DNMT3A: variants seen among roughly 807,000 people sequenced by gnomAD.
DNMT3A encodes DNA methyltransferase 3 alpha.
Under a neutral mutation model 117.6 loss-of-function variants are expected in DNMT3A, and 267 were observed. That is an observed-to-expected ratio of 2.27 (90% confidence interval 2.05 to 2.51). The LOEUF (loss-of-function observed/expected upper bound fraction) is 2.51, where lower values mean the gene tolerates loss of function less well. Among genes scored for constraint, DNMT3A ranks in the 30% most tolerant of loss-of-function variants. The pLI is 0.00. For missense variants in DNMT3A, 1,029 were observed against 1,260.2 expected (o/e 0.82, Z 2.78); for synonymous variants, 432 against 474.8 (o/e 0.91, Z 1.17).
intron 1 of DNMT3A, chr2:25,314,511 C>G: frequency 1.0e-6 from 1 of 985,196 alleles, no homozygotes; most frequent in Non-Finnish European, 1.2e-6. Context: ...CCAACCAGCC[C>G]CTGGGAAATC....
intron 1 of DNMT3A, among the ~76,000 whole-genome samples, chr2:25,319,389 A>T (rs2034507838): frequency 1.3e-5 from 2 of 151,738 alleles, no homozygotes; most frequent in African/African-American, 4.8e-5. Flanking sequence ...GGCTCAAGTG[A>T]TCCTCCCACC....
At chr2:25,270,336 C>T (rs573856144) in intron 6 of DNMT3A, among the ~76,000 whole-genome samples, 43 of 152,330 alleles carry the variant, frequency 2.8e-4, no homozygotes, top group African/African-American at 9.6e-4. Flanking sequence ...CAGGGCAGCT[C>T]TTTCTGCAGG....
chr2:25,245,259 G>T lies in DNMT3A; in HGVS notation c.1548C>A (p.Asn516Lys). ...HPLFVGGMCQ[N>K]CKNCFLECAY... is the part of the protein sequence containing the mutation. ...TGGGTGGGTGTGCTCCTACCTTGCAGTTTTGGCACATTCCTCCAACGAAGA... is the reference window on the plus strand; with the variant it reads ...TGGGTGGGTGTGCTCCTACCTTGCATTTTTGGCACATTCCTCCAACGAAGA... Residue 516 changes from asparagine to lysine, a missense_variant, in exon 13 of 23, where the codon AAC becomes AAA. Physicochemically the swap from Asn to Lys is moderately conservative, Grantham distance 94. Coordinates refer to ENST00000321117, the MANE Select transcript of DNMT3A (RefSeq NM_022552.5). The T allele has an allele frequency of 6.2e-7, 1 of 1,613,898 alleles. No homozygotes were observed. Among genetic ancestry groups the T allele is most frequent in the Non-Finnish European group, 8.5e-7 (1 of 1,179,974 alleles).
intron 3 of DNMT3A, among the ~76,000 whole-genome samples, chr2:25,295,608 C>T (rs1169813982): frequency 6.6e-6 from 1 of 152,222 alleles, no homozygotes; most frequent in African/African-American, 2.4e-5. Flanking sequence ...TGACAGAGAA[C>T]CCCTGGGTAG....
In DNMT3A at chr2:25,246,650, AAGGCTGG is replaced by A; in HGVS notation, c.1242_1248del (p.Gln415LeufsTer234). ...GGTGGCTCCAGGCCCTTAGGGCCAG[AAGGCTGG>A]AAGCCCCCCAGGGCCCATTCAATCA... On this transcript the variant is annotated frameshift_variant, in exon 10 of 23. Coordinates refer to ENST00000321117, the MANE Select transcript of DNMT3A (RefSeq NM_022552.5). LOFTEE classifies it high-confidence loss of function. 1 of 1,613,304 alleles carries A rather than the reference AAGGCTGG, an allele frequency of 6.2e-7. No individual in the cohort carries two copies. Among genetic ancestry groups the A allele is most frequent in the South Asian group, 1.1e-5 (1 of 91,078 alleles).
At chr2:25,235,608 G>A in intron 22 of DNMT3A, 99 bp downstream of exon 22, 1 of 947,440 alleles carries the variant, frequency 1.1e-6, no homozygotes, top group Non-Finnish European at 1.7e-6. Flanking sequence ...CAGGACGTTT[G>A]TGGAAAACAA....
intron 1 of DNMT3A, among the ~76,000 whole-genome samples, chr2:25,341,496 C>T (rs1287862688): frequency 1.4e-5 from 2 of 146,398 alleles, no homozygotes; most frequent in East Asian, 2.0e-4. Flanking sequence ...GAGGGGCCCC[C>T]CGCGGCATTG....
At chr2:25,251,856 C>T in intron 6 of DNMT3A, 1 of 391,798 alleles carries the variant, frequency 2.6e-6, no homozygotes, top group Non-Finnish European at 4.6e-6. Context: ...TCAGCTGAAG[C>T]TGCCTCCAAC....
Position 25,241,695 on chromosome 2 carries a change from A to G in DNMT3A, c.1949T>C (p.Leu650Pro). ...FDGIATGLLV[L>P]KDLGIQVDRY... ...GTCCACCTGAATGCCCAAGTCCTTC[A>G]GCACCAGGAGCCCTGCACCAGCCAG... Residue 650 changes from leucine (L) to proline (P), a missense_variant, in exon 17 of 23, where the codon CTG (leucine) becomes CCG (proline). Leu to Pro is a moderately conservative substitution (Grantham distance 98). Transcript: ENST00000321117. The G allele has an allele frequency of 1.2e-6, 2 of 1,613,822 alleles. No homozygotes were observed. The highest frequency in any genetic ancestry group is 8.5e-7 in the Non-Finnish European group (1 of 1,179,920).
intron 22 of DNMT3A, among the ~76,000 whole-genome samples, chr2:25,235,399 G>A (rs1673239496): frequency 6.6e-6 from 1 of 152,144 alleles, no homozygotes; most frequent in African/African-American, 2.4e-5. Context: ...TGGCCAGGCT[G>A]GTCTCGAACT....
Position 25,339,834 on chromosome 2 carries a change from G to T in DNMT3A, c.-178+1992C>A, listed in dbSNP as rs1276034805. On this transcript the variant is annotated intron_variant, in intron 1 of 22. Transcript: ENST00000321117. The surrounding 1 kb of genome is among the most constrained non-coding windows in gnomAD (Gnocchi z 4.9). ...GGCCAGTCCTAACACCCAGGCAATA[G>T]CAAGGCGAATAGCTCCCCTGGCTGC... Among the ~76,000 whole-genome samples, 1 of 152,256 alleles carries T rather than the reference G, an allele frequency of 6.6e-6. No homozygotes were observed. Among genetic ancestry groups the T allele is most frequent in the Non-Finnish European group, 1.5e-5 (1 of 68,042 alleles).
In DNMT3A at chr2:25,247,248, G is replaced by T; in HGVS notation, c.1015-90C>A. 1 of 1,320,880 alleles carries T rather than the reference G, an allele frequency of 7.6e-7. No homozygotes were observed. The highest frequency in any genetic ancestry group is 1.1e-6 in the Non-Finnish European group (1 of 934,670). The allele number at this position is 1,320,880 out of a possible 1,614,324, so 81.8% of individuals were successfully genotyped here. The stretch of plus-strand genomic sequence containing the variant: ...GCAACTGGCAGGGGCTGGGAGCCTC[G>T]AGAGTCAGTCTCAGCCCTGGAGGGG... On this transcript the variant is annotated intron_variant, in intron 8 of 22. Coordinates refer to ENST00000321117, the MANE Select transcript of DNMT3A (RefSeq NM_022552.5). The surrounding 1 kb of genome is among the most constrained non-coding windows in gnomAD (Gnocchi z 5.6).
intron 1 of DNMT3A, among the ~76,000 whole-genome samples, chr2:25,333,304 G>T (rs902530240): frequency 4.6e-5 from 7 of 151,778 alleles, no homozygotes; most frequent in Non-Finnish European, 1.0e-4. Flanking sequence ...GGGGCCATGG[G>T]GAGGACAGGC....
chr2:25,285,122 G>A (rs919612511), intron 3 of DNMT3A, among the ~76,000 whole-genome samples: 5 of 152,150 alleles, frequency 3.3e-5, no homozygotes, highest in African/African-American at 7.2e-5. Flanking sequence ...TGGTCAGGCC[G>A]GGTGAAAGGG....
Position 25,229,452 on chromosome 2 carries a change from T to C in DNMT3A, c.*4827A>G, listed in dbSNP as rs1243921178. On this transcript the variant is annotated 3_prime_UTR_variant, in exon 23 of 23. Coordinates refer to ENST00000321117, the MANE Select transcript of DNMT3A (RefSeq NM_022552.5). Reference sequence around the variant, plus strand: ...ACAGGCAGGACTCCCAGAGGACAACTCCAGGGTCGCTCTCTAGTCTCCAGC... The same window carrying C: ...ACAGGCAGGACTCCCAGAGGACAACCCCAGGGTCGCTCTCTAGTCTCCAGC... 2.6e-5 allele frequency: 4 copies of C among 152,188 alleles called. No homozygotes were observed. The highest frequency in any genetic ancestry group is 9.7e-5 in the African/African-American group (4 of 41,434). The allele number at this position is 152,188 out of a possible 1,614,324, so 9.4% of individuals were successfully genotyped here. A position where few individuals can be genotyped will look rare whatever the true frequency, so the allele number is the denominator to read the frequency against.
intron 10 of DNMT3A, 114 bp from the exon 11 acceptor site, chr2:25,246,423 C>T: frequency 6.9e-7 from 1 of 1,458,744 alleles, no homozygotes; most frequent in Non-Finnish European, 9.2e-7. Flanking sequence ...GTTCCCACCT[C>T]CCAACTCTAC....
chr2:25,315,464 T>G (rs1573484869), intron 1 of DNMT3A, among the ~76,000 whole-genome samples: 2 of 152,166 alleles, frequency 1.3e-5, no homozygotes, highest in Admixed American at 6.5e-5. Flanking sequence ...GCAGCCCAGG[T>G]GCACTGCGTC....
At chr2:25,270,040 G>A (rs1190692592) in intron 6 of DNMT3A, among the ~76,000 whole-genome samples, 1 of 152,170 alleles carries the variant, frequency 6.6e-6, no homozygotes, top group Admixed American at 6.5e-5. Context: ...GGAAGGGCTG[G>A]TGCAGCCTGG....
At chr2:25,256,716 C>T (rs1252609285) in intron 6 of DNMT3A, among the ~76,000 whole-genome samples, 1 of 152,180 alleles carries the variant, frequency 6.6e-6, no homozygotes, top group African/African-American at 2.4e-5. Flanking sequence ...TTATCTTTCC[C>T]TTCTGTCCCT....
Sources: allele counts gnomAD v4.1 joint callset (sites outside exome capture counted in the v4.1 genomes callset), GRCh38; gene constraint gnomAD v4.1.1; non-coding constraint Gnocchi (gnomAD v3.1); transcripts MANE v1.5; gene names NCBI Gene and HGNC (gene_info 2026-07-23, HGNC 2026-07-21).